The following FRMPD4 variants were observed in gnomAD, a reference collection of about 807,000 sequenced individuals.
FRMPD4 encodes FERM and PDZ domain containing 4.
FRMPD4 carries 22 observed loss-of-function variants against 94.1 expected under a neutral mutation model. The observed-to-expected ratio is 0.23, with a 90% CI of 0.17 to 0.33. The LOEUF (loss-of-function observed/expected upper bound fraction) is 0.33. Ranked by LOEUF, FRMPD4 falls within the 10% of genes least tolerant of loss-of-function variation. The pLI, the probability that FRMPD4 is intolerant of heterozygous loss-of-function variation, is 1.00. For missense variants in FRMPD4, 1,111 were observed against 1,339.9 expected, an observed-to-expected ratio of 0.83 and a Z score of 2.67; for synonymous variants, 631 against 548.6, an observed-to-expected ratio of 1.15 and a Z score of -2.10.
chrX:12,440,360 AG>A (rs1601945470), intron 1 of FRMPD4, among the ~76,000 whole-genome samples: 2 of 111,707 alleles, frequency 1.8e-5, no homozygotes, highest in African/African-American at 6.5e-5. Flanking sequence ...AACTACTCCC[AG>A]GGGTGACTGT....
chrX:12,553,199 A>AGG (rs1300381351), intron 2 of FRMPD4, among the ~76,000 whole-genome samples: 4 of 110,373 alleles, frequency 3.6e-5, no homozygotes, highest in Non-Finnish European at 7.6e-5. Flanking sequence ...AAAGAGAGAG[A>AGG]GAAAGAAAAA....
chrX:12,429,898 T>C, intron 1 of FRMPD4, among the ~76,000 whole-genome samples: 1 of 112,120 alleles, frequency 8.9e-6, no homozygotes, highest in Non-Finnish European at 1.9e-5. Context: ...TAGCTTGCTC[T>C]TCTGCCATGT....
At chrX:12,234,961 G>C (rs2057055119) in intron 1 of FRMPD4, among the ~76,000 whole-genome samples, 1 of 111,754 alleles carries the variant, frequency 8.9e-6, no homozygotes, top group African/African-American at 3.3e-5. Flanking sequence ...ATCTCATTTT[G>C]AGCGTTTGTT....
intron 1 of FRMPD4, among the ~76,000 whole-genome samples, chrX:12,437,039 ATCT>A (rs1345879326): frequency 8.9e-6 from 1 of 112,030 alleles, no homozygotes; most frequent in Non-Finnish European, 1.9e-5. Flanking sequence ...AATTTCTTAT[ATCT>A]TCTCTTTTTA....
chrX:12,289,386 G>C (rs1314354109), intron 1 of FRMPD4, among the ~76,000 whole-genome samples: 1 of 111,971 alleles, frequency 8.9e-6, no homozygotes, highest in Non-Finnish European at 1.9e-5. Context: ...CCCATATACA[G>C]CTATTGAAAT....
chrX:12,568,571 TTAAAA>T (rs1280624611), intron 2 of FRMPD4, among the ~76,000 whole-genome samples: 1 of 112,354 alleles, frequency 8.9e-6, no homozygotes, highest in Non-Finnish European at 1.9e-5. Context: ...TTTTATGTCA[TTAAAA>T]TATTTATTTA....
intron 1 of FRMPD4, among the ~76,000 whole-genome samples, chrX:12,375,932 T>A (rs1182922440): frequency 8.9e-6 from 1 of 112,210 alleles, no homozygotes; most frequent in Non-Finnish European, 1.9e-5. Context: ...CTGAAATCCC[T>A]CTTGTGGAAT....
intron 1 of FRMPD4, among the ~76,000 whole-genome samples, chrX:11,847,776 G>A (rs765200137): frequency 1.3e-4 from 13 of 103,815 alleles, no homozygotes; most frequent in East Asian, 3.1e-4. Context: ...GTAAACTATC[G>A]CAAGAACAAA....
chrX:12,358,552 T>C (rs766846451), intron 1 of FRMPD4, among the ~76,000 whole-genome samples: 1 of 111,679 alleles, frequency 9.0e-6, no homozygotes, highest in Admixed American at 9.5e-5. Flanking sequence ...ACTTGGACTT[T>C]ACAATTGTGC....
chrX:12,067,427 G>GT (rs199570953), intron 3 of FRMPD4, among the ~76,000 whole-genome samples: 1,365 of 107,316 alleles, frequency 0.013, 7 homozygotes, highest in South Asian at 0.017. Context: ...TTTTGTTTTT[G>GT]TTTTTTTTTG....
intron 1 of FRMPD4, among the ~76,000 whole-genome samples, chrX:12,217,753 T>C (rs1354670353): frequency 1.8e-5 from 2 of 112,287 alleles, no homozygotes; most frequent in Non-Finnish European, 3.8e-5. Flanking sequence ...TTCATTTACA[T>C]GTTGTGCATG....
chrX:11,894,240 G>T (rs2053890432), intron 3 of FRMPD4, among the ~76,000 whole-genome samples: 1 of 111,865 alleles, frequency 8.9e-6, no homozygotes. Flanking sequence ...CGCTGCTCTG[G>T]TTGAACCTTG....
At chrX:12,027,092 TG>T (rs1326060500) in intron 3 of FRMPD4, among the ~76,000 whole-genome samples, 1 of 112,344 alleles carries the variant, frequency 8.9e-6, no homozygotes, top group Non-Finnish European at 1.9e-5. Context: ...GCAGCTTATT[TG>T]ATTGTTAAAA....
intron 3 of FRMPD4, among the ~76,000 whole-genome samples, chrX:11,902,457 A>C (rs1437667709): frequency 1.8e-5 from 2 of 111,436 alleles, no homozygotes; most frequent in Non-Finnish European, 3.8e-5. Flanking sequence ...GAGAGTGAGA[A>C]CCCAAGAGAG....
At chrX:11,948,541 T>A (rs1269555661) in intron 3 of FRMPD4, among the ~76,000 whole-genome samples, 3 of 111,393 alleles carry the variant, frequency 2.7e-5, no homozygotes, top group Non-Finnish European at 5.6e-5. Flanking sequence ...CCAAGATAAC[T>A]GAGACATAGG....
intron 1 of FRMPD4, among the ~76,000 whole-genome samples, chrX:11,849,699 A>C (rs1790384765): frequency 9.1e-6 from 1 of 109,390 alleles, no homozygotes; most frequent in Admixed American, 9.7e-5. Context: ...TTTTTCCAAC[A>C]AGTGGTATAA....
At chrX:12,143,567 CCTGTTT>C (rs2055721491) in intron 1 of FRMPD4, among the ~76,000 whole-genome samples, 1 of 111,592 alleles carries the variant, frequency 9.0e-6, no homozygotes, top group African/African-American at 3.3e-5. Flanking sequence ...ATGCCTTTTT[CCTGTTT>C]TCTCTTCTTT....
At chrX:12,538,284 G>A (rs2058363269) in intron 2 of FRMPD4, among the ~76,000 whole-genome samples, 1 of 111,454 alleles carries the variant, frequency 9.0e-6, no homozygotes, top group Non-Finnish European at 1.9e-5. Context: ...TGGGGGAGGG[G>A]CGCCCGCCAT....
chrX:12,144,359 T>C (rs1227238453), intron 1 of FRMPD4, among the ~76,000 whole-genome samples: 4 of 111,879 alleles, frequency 3.6e-5, no homozygotes, highest in African/African-American at 1.3e-4. Flanking sequence ...CTGAGTAATT[T>C]AGGTCATTAT....
Sources: gnomAD v4.1 joint callset for allele counts (sites outside exome capture counted in the v4.1 genomes callset) on GRCh38, gnomAD v4.1.1 for gene constraint, MANE v1.5 for transcripts, NCBI Gene and HGNC (gene_info 2026-07-23, HGNC 2026-07-21) for gene names.